The following NGFR variants were observed in gnomAD, a reference collection of about 807,000 sequenced individuals.
NGFR encodes tumor necrosis factor receptor superfamily member 16.
Under a neutral mutation model 43.2 loss-of-function variants are expected in NGFR, and 30 were observed. The observed-to-expected ratio is 0.69, with a 90% CI of 0.52 to 0.94. The LOEUF is 0.94. Ranked by LOEUF, NGFR falls within the 40% of genes least tolerant of loss-of-function variation. The probability of loss-of-function intolerance (pLI) is 0.00; values close to 1 mark genes in which losing one functional copy is unlikely to be tolerated. For missense variants in NGFR, 529 were observed against 602.5 expected, an observed-to-expected ratio of 0.88 and a Z score of 1.28; for synonymous variants, 246 against 259.6, an observed-to-expected ratio of 0.95 and a Z score of 0.50.
At position 49,495,382 on chromosome 17, in the gene NGFR, G is replaced by C. The variant is rs1000461663; in HGVS notation, c.-36G>C. 4 of 1,229,102 alleles carry C rather than the reference G, an allele frequency of 3.3e-6. No individual in the cohort carries two copies. Among genetic ancestry groups the C allele is most frequent in the Admixed American group, 8.4e-5 (2 of 23,676 alleles). The allele number at this position is 1,229,102 out of a possible 1,614,324, so 76.1% of individuals were successfully genotyped here. On this transcript the variant is annotated 5_prime_UTR_variant, in exon 1 of 6. Coordinates refer to ENST00000172229, the MANE Select transcript of NGFR (RefSeq NM_002507.4). The surrounding 1 kb of genome is among the most constrained non-coding windows in gnomAD (Gnocchi z 6.4). ...GCCCCATCAGTCCGCAAAGCGGACCGAGCTGGAAGTCGAGCGCTGCCGCGG... is the reference window on the plus strand; with the variant it reads ...GCCCCATCAGTCCGCAAAGCGGACCCAGCTGGAAGTCGAGCGCTGCCGCGG...
At position 49,512,964 on chromosome 17, in the gene NGFR, C is replaced by T. The variant is rs1179244758; in HGVS notation, c.1239C>T (p.Leu413=). 5.0e-6 allele frequency: 8 copies of T among 1,606,404 alleles called. No homozygotes were observed. The highest frequency in any genetic ancestry group is 3.3e-5 in the South Asian group (3 of 90,362). The change falls in exon 6 of 6, where the codon CTC becomes CTT. Residue 413 remains leucine, a synonymous_variant. Transcript: ENST00000172229. This position sits in a 1 kb window ranked among gnomAD's most constrained non-coding sequence, Gnocchi z 5.2. ...TGCGCCGCATCCAGCGAGCCGACCT[C>T]GTGGAGAGTCTGTGCAGTGAGTCCA... ...AALRRIQRAD[L]VESLCSESTA...
intron 1 of NGFR, chr17:49,496,664 C>T (rs912362290): frequency 1.4e-4 from 22 of 152,194 alleles, no homozygotes; most frequent in African/African-American, 4.3e-4. Flanking sequence ...AGCTGCGCGA[C>T]CCGAGCGCCG....
intron 2 of NGFR, chr17:49,505,625 C>A (rs1265283301): frequency 6.6e-6 from 1 of 152,298 alleles, no homozygotes; most frequent in Non-Finnish European, 1.5e-5. Context: ...TCAACAATAT[C>A]CATCTGAGAG....
intron 4 of NGFR, chr17:49,511,139 A>G (rs902516603): frequency 3.9e-5 from 6 of 155,838 alleles, no homozygotes; most frequent in African/African-American, 1.2e-4. Flanking sequence ...AAAAATCATC[A>G]AAGTAACACA....
At chr17:49,501,999 A>AGGGGGGGGCCCCCCCCCCCC in intron 1 of NGFR, 64 bp from the exon 2 acceptor site, 1 of 330,984 alleles carries the variant, frequency 3.0e-6, no homozygotes, top group Non-Finnish European at 5.9e-6. Context: ...TCCCCGGAAG[A>AGGGGGGGGCCCCCCCCCCCC]ACCCCCCCCA....
In NGFR at chr17:49,511,890, A is replaced by C; in HGVS notation, c.822-2A>C. The stretch of plus-strand genomic sequence containing the variant: ...GAAACCTGGCCTGTCCTCTGGCTCC[A>C]GGTGGAACAGCTGCAAGCAGAACAA... On this transcript the variant is annotated splice_acceptor_variant, in intron 4 of 5. Coordinates refer to ENST00000172229, the MANE Select transcript of NGFR (RefSeq NM_002507.4). LOFTEE classifies it high-confidence loss of function. 1 of 1,602,804 alleles carries C rather than the reference A, an allele frequency of 6.2e-7. No individual in the cohort carries two copies. Among genetic ancestry groups the C allele is most frequent in the Admixed American group, 1.7e-5 (1 of 58,548 alleles).
At chr17:49,511,281 CTG>C (rs1337186586) in intron 4 of NGFR, among the ~76,000 whole-genome samples, 5 of 152,140 alleles carry the variant, frequency 3.3e-5, no homozygotes, top group Admixed American at 2.0e-4. Context: ...CAACTATTTT[CTG>C]TGTGTCTTTT....
At position 49,495,320 on chromosome 17, in the gene NGFR, G is replaced by C; in HGVS notation, c.-98G>C. ...AGCGAGCCGAGCCGCGGCCAGCTCC[G>C]GCGGGCAGGGGGGGCGCTGGAGCGC... On this transcript the variant is annotated 5_prime_UTR_variant, in exon 1 of 6. Coordinates refer to ENST00000172229, the MANE Select transcript of NGFR (RefSeq NM_002507.4). The surrounding 1 kb of genome is among the most constrained non-coding windows in gnomAD (Gnocchi z 6.4). 1 of 1,018,184 alleles carries C rather than the reference G, an allele frequency of 9.8e-7. No homozygotes were observed. The highest frequency in any genetic ancestry group is 1.3e-6 in the Non-Finnish European group (1 of 794,756). 63.1% of individuals were successfully genotyped at this position (1,018,184 alleles called of 1,614,324 possible).
chr17:49,502,430 G>A (rs1482780724), intron 2 of NGFR, among the ~76,000 whole-genome samples: 1 of 152,198 alleles, frequency 6.6e-6, no homozygotes, highest in Non-Finnish European at 1.5e-5. Context: ...AACCCCATGG[G>A]GGATCTCCAA....
At chr17:49,503,387 G>A (rs1278612001) in intron 2 of NGFR, among the ~76,000 whole-genome samples, 2 of 152,170 alleles carry the variant, frequency 1.3e-5, no homozygotes, top group Admixed American at 6.5e-5. Flanking sequence ...CCTTTGGGCC[G>A]TGGGCTCCCT....
At chr17:49,504,522 A>C (rs1567739021) in intron 2 of NGFR, among the ~76,000 whole-genome samples, 2 of 152,084 alleles carry the variant, frequency 1.3e-5, no homozygotes, top group Admixed American at 6.5e-5. Context: ...CCTCACTACA[A>C]CCCTGTGACT....
chr17:49,512,691 C>G lies in NGFR; in HGVS notation c.983-17C>G, dbSNP rs2071241585. ...AGTTCAGGGGTAGGACCTGACTCTC[C>G]TCTGGTTTCTCTGCAGCCCTCAAGG... is the stretch of plus-strand genomic sequence containing the variant. On this transcript the variant is annotated splice_polypyrimidine_tract_variant and intron_variant, in intron 5 of 5. Coordinates refer to ENST00000172229, the MANE Select transcript of NGFR (RefSeq NM_002507.4). The surrounding 1 kb of genome is among the most constrained non-coding windows in gnomAD (Gnocchi z 5.2). The G allele has an allele frequency of 6.4e-7, 1 of 1,562,028 alleles. No homozygotes were observed. Among genetic ancestry groups the G allele is most frequent in the African/African-American group, 1.4e-5 (1 of 73,862 alleles).
chr17:49,512,567 C>A lies in NGFR; in HGVS notation c.983-141C>A. 2.7e-6 allele frequency: 3 copies of A among 1,098,236 alleles called. No individual in the cohort carries two copies. Among genetic ancestry groups the A allele is most frequent in the Non-Finnish European group, 3.9e-6 (3 of 769,712 alleles). 68.0% of individuals were successfully genotyped at this position (1,098,236 alleles called of 1,614,324 possible). A position where few individuals can be genotyped will look rare whatever the true frequency, so the allele number is the denominator to read the frequency against. Reference sequence around the variant, plus strand: ...CCAGGTGCCTTCACTTCCTGGTGCCCCACCCAGGACCTTGTCTTGGCCCCA... The same window carrying A: ...CCAGGTGCCTTCACTTCCTGGTGCCACACCCAGGACCTTGTCTTGGCCCCA... On this transcript the variant is annotated intron_variant, in intron 5 of 5. Coordinates refer to ENST00000172229, the MANE Select transcript of NGFR (RefSeq NM_002507.4). This position sits in a 1 kb window ranked among gnomAD's most constrained non-coding sequence, Gnocchi z 5.2.
chr17:49,506,102 T>TC (rs1209551274), intron 2 of NGFR, 197 bp from the exon 3 acceptor site: 5 of 1,107,998 alleles, frequency 4.5e-6, no homozygotes, highest in African/African-American at 1.6e-5. Flanking sequence ...CCGGGCCTCC[T>TC]CCCCCTTTCC....
rs767106254 is a variant in NGFR, at chr17:49,510,450, G to A, written c.607G>A (p.Glu203Lys). 2 of 1,613,932 alleles carry A rather than the reference G, an allele frequency of 1.2e-6. No individual in the cohort carries two copies. The highest frequency in any genetic ancestry group is 1.7e-5 in the Admixed American group (1 of 60,004). The change falls in exon 4 of 6, where the codon GAG becomes AAG. Residue 203 changes from glutamate to lysine, a missense_variant. Physicochemically the swap from Glu to Lys is moderately conservative, Grantham distance 56. Coordinates refer to ENST00000172229, the MANE Select transcript of NGFR (RefSeq NM_002507.4). ...TTGGATTACACGGTCCACACCCCCAGAGGGCTCGGACAGCACAGCCCCCAG... is the reference window on the plus strand; with the variant it reads ...TTGGATTACACGGTCCACACCCCCAAAGGGCTCGGACAGCACAGCCCCCAG... ...GRWITRSTPP[E>K]GSDSTAPSTQ...
At chr17:49,506,701 T>TGGGGGGGGGGGGGGGGGGG in intron 3 of NGFR, 43 bp downstream of exon 3, 4 of 148,984 alleles carry the variant, frequency 2.7e-5, no homozygotes, top group Non-Finnish European at 3.2e-5. Flanking sequence ...GGTGCGGGGG[T>TGGGGGGGGGGGGGGGGGGG]GGGCTGGGGG....
intron 3 of NGFR, 46 bp downstream of exon 3, chr17:49,506,704 G>GGGGGGGGGGGGGGC: frequency 2.7e-6 from 2 of 737,234 alleles, no homozygotes; most frequent in South Asian, 2.5e-5. Context: ...GCGGGGGTGG[G>GGGGGGGGGGGGGGC]CTGGGGGCAT....
chr17:49,506,927 GC>G (rs2071203363), intron 3 of NGFR, among the ~76,000 whole-genome samples: 2 of 152,300 alleles, frequency 1.3e-5, no homozygotes, highest in African/African-American at 4.8e-5. Context: ...AGCGTCCCAG[GC>G]CGCGGGTACT....
intron 1 of NGFR, 135 bp from the exon 2 acceptor site, chr17:49,501,928 T>C: frequency 1.2e-6 from 1 of 815,776 alleles, no homozygotes; most frequent in Admixed American, 2.8e-5. Flanking sequence ...AACGCCTCCC[T>C]GGTGAGCTCA....
Sources: gnomAD v4.1 joint callset for allele counts (sites outside exome capture counted in the v4.1 genomes callset) on GRCh38, gnomAD v4.1.1 for gene constraint, Gnocchi (gnomAD v3.1) non-coding constraint, MANE v1.5 for transcripts, NCBI Gene and HGNC (gene_info 2026-07-23, HGNC 2026-07-21) for gene names.